The following SLMAP variants were observed in gnomAD, a reference collection of about 807,000 sequenced individuals.
SLMAP encodes the protein sarcolemmal membrane-associated protein.
A neutral mutation model predicts 128.8 loss-of-function variants in SLMAP; 44 were observed. That is an observed-to-expected ratio of 0.34 (90% CI 0.27 to 0.44). The LOEUF is 0.44. SLMAP is among the 20% of genes least tolerant of loss of function. SLMAP has a pLI of 1.00. For synonymous variants in SLMAP, 327 were observed against 348.8 expected, an observed-to-expected ratio of 0.94 and a Z score of 0.70; for missense variants, 787 against 985.3, an observed-to-expected ratio of 0.80 and a Z score of 2.69.
intron 14 of SLMAP, among the ~76,000 whole-genome samples, chr3:57,881,855 G>A (rs115529071): frequency 1.9e-3 from 291 of 152,258 alleles, no homozygotes; most frequent in African/African-American, 6.7e-3. Context: ...TAATTAGCCA[G>A]GAGCAGTGAT....
Position 57,873,817 on chromosome 3 carries a change from C to T in SLMAP, c.1300+2119C>T, listed in dbSNP as rs2095540797. Among the ~76,000 whole-genome samples the T allele has an allele frequency of 2.0e-5, 3 of 152,132 alleles. No individual in the cohort carries two copies. The South Asian group carries it at 6.2e-4, about 32-fold the overall frequency. On this transcript the variant is annotated intron_variant, in intron 14 of 24. Transcript: ENST00000671191. ...TAGTGAGACCCGTTCCTATAAAAAA[C>T]TTTAAAAAATTATCCAGGAGAGGCT...
chr3:57,909,663 A>G (rs561357949), intron 19 of SLMAP, among the ~76,000 whole-genome samples: 1 of 151,942 alleles, frequency 6.6e-6, no homozygotes, highest in East Asian at 1.9e-4. Context: ...CCCAGGCTGG[A>G]GTACAATGGC....
At chr3:57,906,310 C>CTTTTTTTTCTTTTTTTTT (rs2096550422) in intron 17 of SLMAP, among the ~76,000 whole-genome samples, 2 of 47,048 alleles carry the variant, frequency 4.3e-5, no homozygotes, top group African/African-American at 1.4e-4. Context: ...CTTTTTTTTT[C>CTTTTTTTTCTTTTTTTTT]TTTTTTTTTT....
intron 7 of SLMAP, 53 bp from the exon 8 acceptor site, chr3:57,858,035 A>G (rs986821687): frequency 2.2e-5 from 26 of 1,183,214 alleles, no homozygotes; most frequent in Non-Finnish European, 3.0e-5. Flanking sequence ...TTTTATATAC[A>G]TGTGACTTTA....
intron 21 of SLMAP, among the ~76,000 whole-genome samples, chr3:57,914,988 C>T (rs1213697230): frequency 7.3e-5 from 11 of 151,354 alleles, no homozygotes; most frequent in African/African-American, 1.7e-4. Flanking sequence ...CAGGTTCAAG[C>T]GATTCTGCTG....
intron 15 of SLMAP, among the ~76,000 whole-genome samples, chr3:57,892,811 T>C (rs569635604): frequency 2.4e-3 from 293 of 123,092 alleles, no homozygotes; most frequent in South Asian, 3.4e-3. Flanking sequence ...CACACACACA[T>C]ACACACACAA....
intron 2 of SLMAP, among the ~76,000 whole-genome samples, chr3:57,784,664 TGGA>T (rs1288049251): frequency 6.6e-6 from 1 of 152,152 alleles, no homozygotes; most frequent in African/African-American, 2.4e-5. Context: ...ATTATTGGGA[TGGA>T]ATCTTTGCAT....
chr3:57,885,545 G>A (rs1358563904), intron 14 of SLMAP, among the ~76,000 whole-genome samples: 1 of 147,286 alleles, frequency 6.8e-6, no homozygotes. Context: ...TCAGCCTACC[G>A]AGTAGCTGGG....
chr3:57,801,868 GAA>G (rs2088520521), intron 2 of SLMAP, among the ~76,000 whole-genome samples: 1 of 152,004 alleles, frequency 6.6e-6, no homozygotes, highest in South Asian at 2.1e-4. Flanking sequence ...ATCAGCTTGT[GAA>G]AAGTTTCTTT....
intron 2 of SLMAP, among the ~76,000 whole-genome samples, chr3:57,760,732 AAG>A (rs1483857214): frequency 1.3e-5 from 2 of 151,790 alleles, no homozygotes; most frequent in Admixed American, 6.6e-5. Flanking sequence ...AAAAAAAAAA[AAG>A]AATCCCTTCA....
intron 22 of SLMAP, chr3:57,917,844 A>G (rs1156941280): frequency 6.6e-6 from 1 of 152,242 alleles, no homozygotes; most frequent in Non-Finnish European, 1.5e-5. Flanking sequence ...AACTTGATCT[A>G]CAGATTAGGG....
Position 57,888,613 on chromosome 3 carries a change from C to CA in SLMAP, c.1301-1415dup, listed in dbSNP as rs1276074633. Among the ~76,000 whole-genome samples the CA allele has an allele frequency of 4.5e-3, 538 of 119,458 alleles. 6 individuals carry two copies. Among genetic ancestry groups the CA allele is most frequent in the Middle Eastern group, 5.2e-3 (1 of 194 alleles). The allele number at this position is 119,458 out of a possible 152,430, so 78.4% of individuals were successfully genotyped here. A position where few individuals can be genotyped will look rare whatever the true frequency, so the allele number is the denominator to read the frequency against. ...GCCTGGTGACAGAGTGAGACTGTCTCAAAAAAAAAAAAATAGTGATTATAG... is the reference window on the plus strand; with the variant it reads ...GCCTGGTGACAGAGTGAGACTGTCTCAAAAAAAAAAAAAATAGTGATTATAG... On this transcript the variant is annotated intron_variant, in intron 14 of 24. Transcript: ENST00000671191.
intron 13 of SLMAP, among the ~76,000 whole-genome samples, chr3:57,870,034 G>A (rs905776131): frequency 2.0e-5 from 3 of 151,978 alleles, no homozygotes; most frequent in African/African-American, 7.2e-5. Flanking sequence ...TTAATGTAGA[G>A]TTCAGATAAA....
At chr3:57,846,924 C>T (rs1041328644) in intron 4 of SLMAP, among the ~76,000 whole-genome samples, 4 of 152,020 alleles carry the variant, frequency 2.6e-5, no homozygotes, top group African/African-American at 2.4e-5. Context: ...TCATCATATC[C>T]CTCAAAAAGT....
At chr3:57,835,209 G>A (rs1312327182) in intron 3 of SLMAP, among the ~76,000 whole-genome samples, 1 of 150,366 alleles carries the variant, frequency 6.7e-6, no homozygotes, top group East Asian at 2.0e-4. Context: ...GGAGGCTGAA[G>A]TAGGAGGAGC....
intron 2 of SLMAP, among the ~76,000 whole-genome samples, chr3:57,823,126 A>G (rs920260746): frequency 1.3e-5 from 2 of 152,236 alleles, no homozygotes; most frequent in Admixed American, 1.3e-4. Flanking sequence ...TGGGGGGAAA[A>G]ATGGACAGAA....
intron 14 of SLMAP, among the ~76,000 whole-genome samples, chr3:57,883,392 G>A (rs2095798318): frequency 6.6e-6 from 1 of 152,108 alleles, no homozygotes; most frequent in Non-Finnish European, 1.5e-5. Flanking sequence ...GGTAGTTAAA[G>A]CCATTAAAAA....
At chr3:57,871,884 C>T (rs2095487618) in intron 14 of SLMAP, among the ~76,000 whole-genome samples, 186 bp downstream of exon 14, 1 of 152,114 alleles carries the variant, frequency 6.6e-6, no homozygotes, top group East Asian at 1.9e-4. Flanking sequence ...TTGCATTTGC[C>T]TTCACAGATG....
chr3:57,768,399 A>G (rs2080153640), intron 2 of SLMAP, among the ~76,000 whole-genome samples: 1 of 152,162 alleles, frequency 6.6e-6, no homozygotes, highest in Admixed American at 6.5e-5. Context: ...TTTTACTTAT[A>G]CAAATAACAG....
Sources: gnomAD v4.1 joint callset for allele counts (sites outside exome capture counted in the v4.1 genomes callset) on GRCh38, gnomAD v4.1.1 for gene constraint, MANE v1.5 for transcripts, NCBI Gene and HGNC (gene_info 2026-07-23, HGNC 2026-07-21) for gene names.